Variants in ITFG1 observed in about 807,000 individuals in gnomAD.
ITFG1 encodes integrin alpha FG-GAP repeat containing 1.
A neutral mutation model predicts 81.8 loss-of-function variants in ITFG1; 34 were observed. The observed-to-expected ratio is 0.42, with a 90% CI of 0.32 to 0.55. ITFG1 has a LOEUF of 0.55. ITFG1 is among the 20% of genes least tolerant of loss of function. The probability of loss-of-function intolerance (pLI) is 0.17; values close to 1 mark genes in which losing one functional copy is unlikely to be tolerated. For missense variants in ITFG1, 672 were observed against 755.4 expected (o/e 0.89, Z 1.29); for synonymous variants, 285 against 270.6 (o/e 1.05, Z -0.52).
At chr16:47,423,731 T>C (rs1038078230) in intron 6 of ITFG1, among the ~76,000 whole-genome samples, 1 of 152,320 alleles carries the variant, frequency 6.6e-6, no homozygotes, top group Non-Finnish European at 1.5e-5. Flanking sequence ...GGTTGAAAAT[T>C]CTTTAAGAAT....
intron 13 of ITFG1, among the ~76,000 whole-genome samples, chr16:47,222,297 C>T (rs1302384179): frequency 2.0e-5 from 3 of 151,224 alleles, no homozygotes; most frequent in South Asian, 2.1e-4. Flanking sequence ...TCTTTGTTCT[C>T]GTTGGTTTCA....
intron 8 of ITFG1, among the ~76,000 whole-genome samples, chr16:47,356,361 T>A (rs1387147010): frequency 6.6e-6 from 1 of 152,218 alleles, no homozygotes; most frequent in Non-Finnish European, 1.5e-5. Context: ...CGTCACTGAT[T>A]AACAAAAATT....
In ITFG1 at chr16:47,315,790, T is replaced by C. The variant is rs920254815; in HGVS notation, c.803-1967A>G. Reference sequence around the variant, plus strand: ...TGCCATATATATATACACATATATATAATTTATTATTTTTTTTTGAGGCAG... The same window carrying C: ...TGCCATATATATATACACATATATACAATTTATTATTTTTTTTTGAGGCAG... On this transcript the variant is annotated intron_variant, in intron 8 of 17. Coordinates refer to ENST00000320640, the MANE Select transcript of ITFG1 (RefSeq NM_030790.5). Among the ~76,000 whole-genome samples the C allele has an allele frequency of 7.0e-4, 106 of 151,004 alleles. 1 individual carries two copies. Among genetic ancestry groups the C allele is most frequent in the African/African-American group, 2.5e-3 (103 of 40,456 alleles).
intron 6 of ITFG1, among the ~76,000 whole-genome samples, chr16:47,387,474 C>G (rs1968476966): frequency 6.6e-6 from 1 of 152,126 alleles, no homozygotes; most frequent in Non-Finnish European, 1.5e-5. Flanking sequence ...TCTGGGCAAG[C>G]TGGTAAAAAA....
At chr16:47,237,903 G>A in intron 13 of ITFG1, 62 bp downstream of exon 13, 1 of 720,238 alleles carries the variant, frequency 1.4e-6, no homozygotes, top group Non-Finnish European at 2.4e-6. Flanking sequence ...ACTATTTTGT[G>A]TGTGTCTACT....
intron 14 of ITFG1, among the ~76,000 whole-genome samples, chr16:47,185,455 T>A (rs377712336): frequency 1.3e-5 from 2 of 152,160 alleles, no homozygotes; most frequent in Non-Finnish European, 2.9e-5. Context: ...GGATTAAGAA[T>A]CTCACTCAAA....
At chr16:47,251,187 G>A (rs1249095300) in intron 12 of ITFG1, among the ~76,000 whole-genome samples, 4 of 152,168 alleles carry the variant, frequency 2.6e-5, no homozygotes, top group Non-Finnish European at 4.4e-5. Context: ...AGAGCCTGTC[G>A]ACACCCTCGG....
At chr16:47,361,130 C>T (rs1349939746) in intron 8 of ITFG1, among the ~76,000 whole-genome samples, 1 of 152,000 alleles carries the variant, frequency 6.6e-6, no homozygotes, top group African/African-American at 2.4e-5. Flanking sequence ...CTGAAAATTC[C>T]AAGGCCCAAT....
At chr16:47,433,095 G>C (rs1430471675) in intron 5 of ITFG1, among the ~76,000 whole-genome samples, 1 of 152,154 alleles carries the variant, frequency 6.6e-6, no homozygotes, top group Non-Finnish European at 1.5e-5. Flanking sequence ...GGCTAACTCT[G>C]AAATAAATTA....
chr16:47,429,849 C>T (rs535643225), intron 5 of ITFG1, among the ~76,000 whole-genome samples: 51 of 152,194 alleles, frequency 3.4e-4, no homozygotes, highest in African/African-American at 1.1e-3. Context: ...TTTTTAGATA[C>T]ACGGGTCTTA....
chr16:47,426,744 ATGT>A (rs775945259), intron 6 of ITFG1, among the ~76,000 whole-genome samples: 8 of 152,058 alleles, frequency 5.3e-5, no homozygotes, highest in Non-Finnish European at 7.4e-5. Flanking sequence ...AATAATGAAA[ATGT>A]TGTAGCAAAA....
chr16:47,456,938 A>G (rs1378140200), intron 2 of ITFG1, among the ~76,000 whole-genome samples: 2 of 152,190 alleles, frequency 1.3e-5, no homozygotes, highest in African/African-American at 2.4e-5. Context: ...TATATGGCAG[A>G]TATGATGGAA....
At chr16:47,418,239 G>GTTGAATTCT (rs1243025870) in intron 6 of ITFG1, among the ~76,000 whole-genome samples, 1 of 151,930 alleles carries the variant, frequency 6.6e-6, no homozygotes. Context: ...CTTTCTTACC[G>GTTGAATTCT]TTGAATTCTT....
intron 8 of ITFG1, among the ~76,000 whole-genome samples, chr16:47,319,330 C>T (rs1413534671): frequency 6.6e-6 from 1 of 152,170 alleles, no homozygotes; most frequent in Non-Finnish European, 1.5e-5. Context: ...CTACTGAATC[C>T]TGTCAGTTGT....
At chr16:47,335,045 C>T (rs778000821) in intron 8 of ITFG1, among the ~76,000 whole-genome samples, 24 of 152,124 alleles carry the variant, frequency 1.6e-4, no homozygotes, top group Non-Finnish European at 2.8e-4. Context: ...AAAAATTACA[C>T]ATACATGCTT....
chr16:47,392,349 C>A (rs1041829445), intron 6 of ITFG1, among the ~76,000 whole-genome samples: 1 of 152,152 alleles, frequency 6.6e-6, no homozygotes, highest in Non-Finnish European at 1.5e-5. Flanking sequence ...GGGGGAAGAG[C>A]GTCCTGCTGG....
At chr16:47,387,085 C>A (rs1263520308) in intron 6 of ITFG1, among the ~76,000 whole-genome samples, 1 of 152,088 alleles carries the variant, frequency 6.6e-6, no homozygotes. Context: ...ATTTATGACC[C>A]AAGGTATTGT....
At chr16:47,162,141 A>T (rs1964816250) in intron 15 of ITFG1, among the ~76,000 whole-genome samples, 1 of 152,110 alleles carries the variant, frequency 6.6e-6, no homozygotes, top group Admixed American at 6.6e-5. Flanking sequence ...GCTAAAATTC[A>T]AATTGAGACT....
At chr16:47,316,627 G>T (rs1413159995) in intron 8 of ITFG1, among the ~76,000 whole-genome samples, 2 of 152,214 alleles carry the variant, frequency 1.3e-5, no homozygotes, top group African/African-American at 4.8e-5. Flanking sequence ...TGTAGGACTA[G>T]AAATTGCATA....
Sources: gnomAD v4.1 joint callset for allele counts (sites outside exome capture counted in the v4.1 genomes callset) on GRCh38, gnomAD v4.1.1 for gene constraint, MANE v1.5 for transcripts, NCBI Gene and HGNC (gene_info 2026-07-23, HGNC 2026-07-21) for gene names.